DYNC2H1: variants seen among roughly 807,000 people sequenced by gnomAD.
The protein encoded by DYNC2H1 is cytoplasmic dynein 2 heavy chain 1.
A neutral mutation model predicts 570.0 loss-of-function variants in DYNC2H1; 410 were observed. The ratio of observed to expected loss-of-function variants is 0.72; its 90% CI spans 0.66 to 0.78. DYNC2H1 has a LOEUF of 0.78. DYNC2H1 is among the 30% of genes least tolerant of loss of function. The pLI, the probability that DYNC2H1 is intolerant of heterozygous loss-of-function variation, is 0.00. For missense variants in DYNC2H1, 4,865 were observed against 5,046.4 expected (o/e 0.96, Z 1.09); for synonymous variants, 1,688 against 1,677.6 (o/e 1.01, Z -0.15).
At chr11:103,112,756 T>G (rs1229721237) in intron 1 of DYNC2H1, among the ~76,000 whole-genome samples, 4 of 152,234 alleles carry the variant, frequency 2.6e-5, no homozygotes, top group Non-Finnish European at 4.4e-5. Flanking sequence ...AGCTTTTTAA[T>G]GTGTAGACTT....
At chr11:103,135,400 A>G in intron 15 of DYNC2H1, 95 bp from the exon 16 acceptor site, 2 of 1,160,464 alleles carry the variant, frequency 1.7e-6, no homozygotes, top group Non-Finnish European at 2.3e-6. Flanking sequence ...TATTTTTGTG[A>G]TTATAATTGT....
chr11:103,156,246 A>T, intron 25 of DYNC2H1, 142 bp from the exon 26 acceptor site: 1 of 762,368 alleles, frequency 1.3e-6, no homozygotes, highest in Non-Finnish European at 2.1e-6. Flanking sequence ...GTTGCATGTA[A>T]AATAGAGCCA....
At chr11:103,160,164 T>C (rs1451066835) in intron 28 of DYNC2H1, among the ~76,000 whole-genome samples, 1 of 152,156 alleles carries the variant, frequency 6.6e-6, no homozygotes, top group Non-Finnish European at 1.5e-5. Flanking sequence ...TCAAGTTACC[T>C]CTCTGAAATT....
chr11:103,301,000 A>G (rs936085657), intron 75 of DYNC2H1, among the ~76,000 whole-genome samples: 1 of 151,918 alleles, frequency 6.6e-6, no homozygotes, highest in Non-Finnish European at 1.5e-5. Flanking sequence ...ATAGACATGA[A>G]AAGAAAATGA....
intron 84 of DYNC2H1, chr11:103,407,406 TTACTC>T (rs1295447511): frequency 6.6e-6 from 1 of 151,962 alleles, no homozygotes; most frequent in African/African-American, 2.4e-5. Context: ...TAAACCTTGT[TTACTC>T]TATCAAAGTC....
intron 70 of DYNC2H1, among the ~76,000 whole-genome samples, chr11:103,279,103 C>T (rs975827771): frequency 1.3e-5 from 2 of 152,108 alleles, no homozygotes; most frequent in Non-Finnish European, 2.9e-5. Flanking sequence ...TGCATAGGTA[C>T]CCTGTATTTA....
chr11:103,214,376 A>G (rs1344225741), intron 54 of DYNC2H1, among the ~76,000 whole-genome samples: 1 of 151,998 alleles, frequency 6.6e-6, no homozygotes, highest in Non-Finnish European at 1.5e-5. Context: ...GTATTTTCAC[A>G]GATATTACAT....
chr11:103,393,803 C>A (rs1942275199), intron 83 of DYNC2H1, among the ~76,000 whole-genome samples: 2 of 152,160 alleles, frequency 1.3e-5, no homozygotes, highest in Admixed American at 6.5e-5. Context: ...GCCTCACAGT[C>A]ATGGCGGAAG....
intron 85 of DYNC2H1, among the ~76,000 whole-genome samples, chr11:103,452,787 C>T (rs1944656400): frequency 7.0e-6 from 1 of 142,070 alleles, no homozygotes; most frequent in Admixed American, 7.5e-5. Context: ...TTGTATGTCT[C>T]ATCTCCTCTA....
At chr11:103,288,774 G>A (rs192349601) in intron 75 of DYNC2H1, among the ~76,000 whole-genome samples, 266 of 149,820 alleles carry the variant, frequency 1.8e-3, no homozygotes, top group African/African-American at 5.7e-3. Flanking sequence ...CCAGCTCCTC[G>A]GGAGGCTGAG....
chr11:103,246,341 C>A (rs2135234119), intron 65 of DYNC2H1, among the ~76,000 whole-genome samples: 1 of 152,036 alleles, frequency 6.6e-6, no homozygotes, highest in Admixed American at 6.6e-5. Context: ...ACCTTTAGGG[C>A]CATCTCAATT....
chr11:103,275,706 T>A lies in DYNC2H1; in HGVS notation c.10696-4642T>A, dbSNP rs1389015396. ...TTCATGGTGTAATATCTCATTTCTTTTTAATGTTGATTAAAATTCCTTTAT... is the reference window on the plus strand; with the variant it reads ...TTCATGGTGTAATATCTCATTTCTTATTAATGTTGATTAAAATTCCTTTAT... On this transcript the variant is annotated intron_variant, in intron 70 of 88. Transcript: ENST00000375735. This position sits in a 1 kb window ranked among gnomAD's most constrained non-coding sequence, Gnocchi z 4.8. Among the ~76,000 whole-genome samples the A allele has an allele frequency of 6.6e-6, 1 of 152,216 alleles. No homozygotes were observed. The highest frequency in any genetic ancestry group is 1.5e-5 in the Non-Finnish European group (1 of 68,034).
chr11:103,222,226 T>C, intron 58 of DYNC2H1, 73 bp downstream of exon 58: 1 of 1,055,276 alleles, frequency 9.5e-7, no homozygotes, highest in South Asian at 2.2e-5. Context: ...ATGTGGTGCT[T>C]TGTCATTGCC....
At chr11:103,309,173 T>A (rs1431690298) in intron 78 of DYNC2H1, among the ~76,000 whole-genome samples, 9 of 102,786 alleles carry the variant, frequency 8.8e-5, no homozygotes, top group Admixed American at 7.0e-4. Context: ...ATGCTATTTT[T>A]TTTTTTTTTT....
intron 83 of DYNC2H1, among the ~76,000 whole-genome samples, chr11:103,390,024 A>C (rs1942068466): frequency 6.6e-6 from 1 of 152,188 alleles, no homozygotes; most frequent in Non-Finnish European, 1.5e-5. Context: ...CACTTGGTGC[A>C]GAGCTGAGTT....
At chr11:103,411,776 T>G (rs1244767149) in intron 84 of DYNC2H1, among the ~76,000 whole-genome samples, 1 of 152,086 alleles carries the variant, frequency 6.6e-6, no homozygotes, top group African/African-American at 2.4e-5. Context: ...ATGGCTTATT[T>G]CTTAATTAAC....
chr11:103,391,314 C>G (rs999738617), intron 83 of DYNC2H1, among the ~76,000 whole-genome samples: 2 of 152,198 alleles, frequency 1.3e-5, no homozygotes, highest in Non-Finnish European at 2.9e-5. Flanking sequence ...GTGCATTCAT[C>G]ACGTAGTTCT....
intron 82 of DYNC2H1, among the ~76,000 whole-genome samples, chr11:103,352,365 C>G (rs577964581): frequency 6.6e-6 from 1 of 152,222 alleles, no homozygotes; most frequent in South Asian, 2.1e-4. Context: ...AGATTTGCTA[C>G]TATAATATTC....
chr11:103,184,082 T>C (rs1274072034), intron 40 of DYNC2H1, among the ~76,000 whole-genome samples: 1 of 151,986 alleles, frequency 6.6e-6, no homozygotes, highest in East Asian at 1.9e-4. Flanking sequence ...CATAAGCAGA[T>C]AGATCTCATC....
Sources: allele counts gnomAD v4.1 joint callset (sites outside exome capture counted in the v4.1 genomes callset), GRCh38; gene constraint gnomAD v4.1.1; non-coding constraint Gnocchi (gnomAD v3.1); transcripts MANE v1.5; gene names NCBI Gene and HGNC (gene_info 2026-07-23, HGNC 2026-07-21).